ASCC3: variants seen among roughly 807,000 people sequenced by gnomAD.
ASCC3 encodes the protein ASC-1 complex subunit P200.
ASCC3 carries 158 observed loss-of-function variants against 256.3 expected under a neutral mutation model. That is an observed-to-expected ratio of 0.62 (90% CI 0.54 to 0.70). The LOEUF (loss-of-function observed/expected upper bound fraction) is 0.70. ASCC3 is among the 30% of genes least tolerant of loss of function. The pLI is 0.00. For missense variants in ASCC3, 2,259 were observed against 2,626.0 expected (o/e 0.86, Z 3.05); for synonymous variants, 948 against 883.4 (o/e 1.07, Z -1.30).
At chr6:100,859,387 T>C (rs925180330) in intron 3 of ASCC3, among the ~76,000 whole-genome samples, 6 of 152,068 alleles carry the variant, frequency 3.9e-5, no homozygotes, top group African/African-American at 9.6e-5. Context: ...GTCTGCCACT[T>C]TGTGGGAAGT....
intron 8 of ASCC3, among the ~76,000 whole-genome samples, chr6:100,770,377 A>G (rs1562284578): frequency 6.6e-6 from 1 of 152,024 alleles, no homozygotes; most frequent in Admixed American, 6.5e-5. Flanking sequence ...TAACAGGGTA[A>G]GACTGAATGC....
At chr6:100,734,699 T>C (rs538832702) in intron 10 of ASCC3, among the ~76,000 whole-genome samples, 1 of 152,274 alleles carries the variant, frequency 6.6e-6, no homozygotes, top group Admixed American at 6.5e-5. Context: ...TACCACTATT[T>C]TGGGCAATTA....
intron 10 of ASCC3, among the ~76,000 whole-genome samples, chr6:100,748,300 A>C (rs1196552598): frequency 6.6e-6 from 1 of 152,020 alleles, no homozygotes; most frequent in Non-Finnish European, 1.5e-5. Flanking sequence ...TGTTTCATGA[A>C]GTATAGTAAG....
chr6:100,510,607 C>T (rs1773712520), intron 40 of ASCC3, among the ~76,000 whole-genome samples: 1 of 152,100 alleles, frequency 6.6e-6, no homozygotes, highest in Admixed American at 6.5e-5. Flanking sequence ...ACATACTTTC[C>T]CCCTCATCCA....
intron 34 of ASCC3, among the ~76,000 whole-genome samples, chr6:100,597,331 T>C (rs1337382396): frequency 9.9e-5 from 15 of 152,112 alleles, no homozygotes; most frequent in Admixed American, 9.8e-4. Context: ...GCTAGAGTGG[T>C]GCCTGGAACA....
At chr6:100,872,469 C>CG (rs757129669) in intron 1 of ASCC3, among the ~76,000 whole-genome samples, 16 of 128,846 alleles carry the variant, frequency 1.2e-4, no homozygotes, top group East Asian at 7.1e-4. Context: ...AAAAAAGGGT[C>CG]GGGGGGGGAT....
chr6:100,837,979 A>C (rs1307469534), intron 4 of ASCC3, among the ~76,000 whole-genome samples: 1 of 152,180 alleles, frequency 6.6e-6, no homozygotes, highest in Non-Finnish European at 1.5e-5. Context: ...GTATTGAAAC[A>C]TCACACTAGA....
At chr6:100,607,719 C>CAT (rs1409785716) in intron 30 of ASCC3, among the ~76,000 whole-genome samples, 1 of 151,588 alleles carries the variant, frequency 6.6e-6, no homozygotes, top group Non-Finnish European at 1.5e-5. Context: ...TAAAAGGATA[C>CAT]ATATACCTAT....
At chr6:100,515,446 T>C (rs1773974206) in intron 39 of ASCC3, among the ~76,000 whole-genome samples, 1 of 152,158 alleles carries the variant, frequency 6.6e-6, no homozygotes, top group Admixed American at 6.5e-5. Flanking sequence ...AGTCAATATG[T>C]TAATTATGTT....
At chr6:100,810,830 G>A (rs1029487041) in intron 4 of ASCC3, among the ~76,000 whole-genome samples, 2 of 152,110 alleles carry the variant, frequency 1.3e-5, no homozygotes, top group African/African-American at 4.8e-5. Flanking sequence ...AACATAACAA[G>A]TATAAGAGAT....
At chr6:100,588,033 A>C (rs1771794879) in intron 36 of ASCC3, among the ~76,000 whole-genome samples, 1 of 152,100 alleles carries the variant, frequency 6.6e-6, no homozygotes. Context: ...AATTATGTGC[A>C]TGTGTGCATA....
intron 36 of ASCC3, among the ~76,000 whole-genome samples, chr6:100,579,408 A>T (rs1771071207): frequency 4.0e-5 from 6 of 151,870 alleles, no homozygotes; most frequent in Admixed American, 3.9e-4. Flanking sequence ...TTTTCATGAA[A>T]TATTTGCCAG....
At chr6:100,830,660 C>T (rs529808890) in intron 4 of ASCC3, among the ~76,000 whole-genome samples, 15 of 152,162 alleles carry the variant, frequency 9.9e-5, no homozygotes, top group Admixed American at 7.8e-4. Flanking sequence ...AAAACAAAAA[C>T]GAAAACATAG....
Position 100,687,109 on chromosome 6 carries a change from ACTG to A in ASCC3, c.2152-7360_2152-7358del, listed in dbSNP as rs374978909. 7.3e-5 allele frequency among the ~76,000 whole-genome samples: 11 copies of A among 150,872 alleles called. No individual in the cohort carries two copies. The East Asian group carries it at 1.4e-3, about 19-fold the overall frequency. On this transcript the variant is annotated intron_variant, in intron 13 of 41. Transcript: ENST00000369162. ...ATACACACAGAGATGTCCATAATATACTGCTAAGTGAAAAAATATCAATTGAAG... is the reference window on the plus strand; with the variant it reads ...ATACACACAGAGATGTCCATAATATACTAAGTGAAAAAATATCAATTGAAG...
At chr6:100,800,961 TTAC>T (rs1272158425) in intron 5 of ASCC3, among the ~76,000 whole-genome samples, 1 of 152,070 alleles carries the variant, frequency 6.6e-6, no homozygotes, top group Non-Finnish European at 1.5e-5. Flanking sequence ...TGCACATATG[TTAC>T]TACTTAGTTA....
In ASCC3 at chr6:100,670,504, G is replaced by A. The variant is rs116596267; in HGVS notation, c.2287-7968C>T. 5.8e-3 allele frequency among the ~76,000 whole-genome samples: 885 copies of A among 151,334 alleles called. 10 individuals are homozygous for A. The highest frequency in any genetic ancestry group is 0.02 in the African/African-American group (838 of 41,340). On this transcript the variant is annotated intron_variant, in intron 14 of 41. Coordinates refer to ENST00000369162, the MANE Select transcript of ASCC3 (RefSeq NM_006828.4). ...GTTATATAAGTAGTTATACTGTATTGTTTAGGGAATAATGACAAGGAAAAT... is the reference window on the plus strand; with the variant it reads ...GTTATATAAGTAGTTATACTGTATTATTTAGGGAATAATGACAAGGAAAAT...
rs562678330 is a variant in ASCC3 at position 100,842,923 on chromosome 6, T to C, written c.801+5225A>G. On this transcript the variant is annotated intron_variant, in intron 4 of 41. Transcript: ENST00000369162. ...CCAGGAGTTACAGGTTATAGTAAAC[T>C]ATGATCATGCCACTACACTCCAGCC... is the stretch of plus-strand genomic sequence containing the variant. Among the ~76,000 whole-genome samples, 31 of 152,178 alleles carry C rather than the reference T, an allele frequency of 2.0e-4. No individual in the cohort carries two copies. The South Asian group carries it at 5.8e-3, about 28-fold the overall frequency.
intron 25 of ASCC3, among the ~76,000 whole-genome samples, chr6:100,637,149 TTTC>T (rs1774883182): frequency 6.6e-6 from 1 of 152,158 alleles, no homozygotes; most frequent in Admixed American, 6.5e-5. Context: ...AGGAGCTAAC[TTTC>T]TTGTTAGGGA....
At chr6:100,694,132 G>T (rs1777965202) in intron 13 of ASCC3, among the ~76,000 whole-genome samples, 1 of 151,734 alleles carries the variant, frequency 6.6e-6, no homozygotes, top group Admixed American at 6.6e-5. Context: ...TCATTTTCCT[G>T]AATAATATTT....
Sources: allele counts gnomAD v4.1 joint callset (sites outside exome capture counted in the v4.1 genomes callset), GRCh38; gene constraint gnomAD v4.1.1; transcripts MANE v1.5; gene names NCBI Gene and HGNC (gene_info 2026-07-23, HGNC 2026-07-21).